Variants in DHX9 observed in about 807,000 individuals in gnomAD.
DHX9 encodes the protein DExH-box helicase 9, also known as ATP-dependent RNA helicase A.
Under a neutral mutation model 148.7 loss-of-function variants are expected in DHX9, and 27 were observed. That is an observed-to-expected ratio of 0.18 (90% CI 0.13 to 0.25). The LOEUF (loss-of-function observed/expected upper bound fraction) is 0.25. DHX9 is among the 10% of genes least tolerant of loss of function. DHX9 has a pLI of 1.00. For synonymous variants in DHX9, 529 were observed against 516.6 expected, an observed-to-expected ratio of 1.02 and a Z score of -0.33; for missense variants, 796 against 1,559.6, an observed-to-expected ratio of 0.51 and a Z score of 8.25.
intron 14 of DHX9, among the ~76,000 whole-genome samples, chr1:182,869,036 A>C (rs1171690502): frequency 1.3e-5 from 2 of 152,160 alleles, no homozygotes; most frequent in Non-Finnish European, 2.9e-5. Context: ...CAATGTTCTT[A>C]GGGTTTAAAT....
At chr1:182,872,521 A>G (rs1648591073) in intron 15 of DHX9, 28 bp downstream of exon 15, 1 of 1,601,598 alleles carries the variant, frequency 6.2e-7, no homozygotes, top group South Asian at 1.1e-5. Context: ...GTATAGGAAC[A>G]TCTTTTGTGC....
chr1:182,858,882 G>C lies in DHX9; in HGVS notation c.1050G>C (p.Gly350=), dbSNP rs1668303698. Residue 350 remains glycine, a synonymous_variant, in exon 10 of 28, where the codon GGG becomes GGC. Transcript: ENST00000367549. ...NPWTSSNIDE[G]PLAFATPEQI... is the part of the protein sequence containing the mutation. ...GGACTAGTAGCAACATTGATGAGGG[G>C]CCTCTGGCTTTTGTGAGTGCAATAT... 5.0e-6 allele frequency: 8 copies of C among 1,613,906 alleles called. No individual in the cohort carries two copies. Among genetic ancestry groups the C allele is most frequent in the Non-Finnish European group, 6.8e-6 (8 of 1,179,988 alleles).
intron 3 of DHX9, among the ~76,000 whole-genome samples, chr1:182,845,987 A>T (rs115959738): frequency 6.6e-6 from 1 of 152,048 alleles, no homozygotes; most frequent in Non-Finnish European, 1.5e-5. Context: ...TTCAGTATTG[A>T]TTAAATCGTT....
chr1:182,853,953 C>T, intron 5 of DHX9, 77 bp from the exon 6 acceptor site: 2 of 1,323,148 alleles, frequency 1.5e-6, no homozygotes, highest in East Asian at 2.3e-5. Context: ...AGTACAAAGA[C>T]AGTATTAAAA....
intron 14 of DHX9, among the ~76,000 whole-genome samples, chr1:182,868,205 G>C (rs1476853474): frequency 6.6e-6 from 1 of 152,080 alleles, no homozygotes; most frequent in East Asian, 1.9e-4. Flanking sequence ...AGAAAGTACT[G>C]ATTCATCCAT....
intron 6 of DHX9, among the ~76,000 whole-genome samples, chr1:182,854,716 CTT>C (rs1668223943): frequency 6.6e-6 from 1 of 152,086 alleles, no homozygotes; most frequent in African/African-American, 2.4e-5. Flanking sequence ...CAGCCTTGGT[CTT>C]TGTATGTGGG....
At chr1:182,869,394 G>C (rs972579539) in intron 14 of DHX9, among the ~76,000 whole-genome samples, 7 of 152,302 alleles carry the variant, frequency 4.6e-5, no homozygotes, top group Admixed American at 4.6e-4. Context: ...GTCCTATCTG[G>C]TTTGGGCCAG....
chr1:182,858,252 G>A lies in DHX9; in HGVS notation c.810+12G>A, dbSNP rs1668291145. ...AGGAAGGAGAGACAGTGAGTCTTTA[G>A]ATTTAATAGACTTGTGAGATAGTGT... On this transcript the variant is annotated intron_variant, in intron 8 of 27. Transcript: ENST00000367549. The A allele has an allele frequency of 1.2e-6, 2 of 1,610,816 alleles. No individual in the cohort carries two copies. Among genetic ancestry groups the A allele is most frequent in the Non-Finnish European group, 1.7e-6 (2 of 1,178,904 alleles).
Position 182,869,470 on chromosome 1 carries a change from C to A in DHX9, c.1557+2427C>A, listed in dbSNP as rs1364970826. 2.6e-5 allele frequency among the ~76,000 whole-genome samples: 4 copies of A among 151,890 alleles called. No homozygotes were observed. In the East Asian group the frequency reaches 7.7e-4, roughly 29 times the overall value. ...TCTTATCTGATGCTGACCAGTCTTA[C>A]CCGGTTTGCTGCGGTTTGGTCTGGT... is the stretch of plus-strand genomic sequence containing the variant. On this transcript the variant is annotated intron_variant, in intron 14 of 27. Transcript: ENST00000367549.
In DHX9 at chr1:182,872,417, T is replaced by C; in HGVS notation, c.1638T>C (p.Ile546=). The stretch of plus-strand genomic sequence containing the variant: ...GCATTGTTCTTATGTCTGCTACTAT[T>C]GATACCAGCATGTTTTGTGAATATT... ...EVRIVLMSAT[I]DTSMFCEYFF... Residue 546 remains isoleucine, a synonymous_variant, in exon 15 of 28, where the codon ATT becomes ATC. Transcript: ENST00000367549. 1 of 1,613,984 alleles carries C rather than the reference T, an allele frequency of 6.2e-7. No homozygotes were observed. Among genetic ancestry groups the C allele is most frequent in the South Asian group, 1.1e-5 (1 of 91,080 alleles).
intron 24 of DHX9, among the ~76,000 whole-genome samples, chr1:182,882,456 A>G (rs1290726504): frequency 6.6e-6 from 1 of 152,172 alleles, no homozygotes; most frequent in Non-Finnish European, 1.5e-5. Context: ...GTCCTCTTAG[A>G]TTATCTCCAT....
At position 182,884,632 on chromosome 1, in the gene DHX9, C is replaced by T. The variant is rs1649237259; in HGVS notation, c.3280C>T (p.His1094Tyr). ...VDDWIKLQIS[H>Y]EAAACITGLR... ...CTTTAGGATTAAACTGCAAATATCT[C>T]ATGAAGCTGCTGCCTGTATCACTGG... Residue 1094 changes from histidine to tyrosine, a missense_variant, in exon 27 of 28, where the codon CAT becomes TAT. His to Tyr is a moderately conservative substitution (Grantham distance 83). This residue lies in a region of DHX9 where 86 missense variants were observed against 156.3 expected (regional missense o/e 0.55). Coordinates refer to ENST00000367549, the MANE Select transcript of DHX9 (RefSeq NM_001357.5). 6.2e-7 allele frequency: 1 copy of T among 1,613,988 alleles called. No homozygotes were observed. Among genetic ancestry groups the T allele is most frequent in the South Asian group, 1.1e-5 (1 of 91,080 alleles).
At chr1:182,849,927 A>T in intron 3 of DHX9, among the ~76,000 whole-genome samples, 1 of 139,906 alleles carries the variant, frequency 7.1e-6, no homozygotes, top group South Asian at 2.3e-4. Flanking sequence ...CTTTATTTTT[A>T]CTTGTGTTTT....
chr1:182,854,934 T>C (rs1353605953), intron 6 of DHX9, among the ~76,000 whole-genome samples: 2 of 152,186 alleles, frequency 1.3e-5, no homozygotes, highest in Admixed American at 6.5e-5. Context: ...GGAAACCTTT[T>C]TGAATGATTC....
At chr1:182,867,082 G>T in intron 14 of DHX9, 39 bp downstream of exon 14, 1 of 1,277,226 alleles carries the variant, frequency 7.8e-7, no homozygotes, top group Non-Finnish European at 1.1e-6. Flanking sequence ...ACTTAATTCT[G>T]CTATTTCTAA....
At chr1:182,880,442 C>G (rs1649036182) in intron 21 of DHX9, 55 bp from the exon 22 acceptor site, 1 of 1,193,420 alleles carries the variant, frequency 8.4e-7, no homozygotes, top group Admixed American at 1.8e-5. Flanking sequence ...AATGTTTTGT[C>G]TGCCTAAAAT....
intron 21 of DHX9, 99 bp downstream of exon 21, chr1:182,879,509 G>A: frequency 8.7e-7 from 1 of 1,152,766 alleles, no homozygotes; most frequent in East Asian, 2.7e-5. Context: ...TGATGAAGAT[G>A]TAGTCAACAG....
Position 182,872,376 on chromosome 1 carries a change from G to A in DHX9, c.1597G>A (p.Ala533Thr). The A allele has an allele frequency of 6.2e-7, 1 of 1,613,772 alleles. No homozygotes were observed. Among genetic ancestry groups the A allele is most frequent in the Non-Finnish European group, 8.5e-7 (1 of 1,179,926 alleles). The change falls in exon 15 of 28, where the codon GCT becomes ACT. Residue 533 changes from alanine (A) to threonine (T), a missense_variant. Ala to Thr is a moderately conservative substitution (Grantham distance 58, BLOSUM62 0). This residue lies in a region of DHX9 where 133 missense variants were observed against 223.8 expected (regional missense o/e 0.59). Transcript: ENST00000367549. ...LLVVLRDVVQAYPEVRIVLMS... is the reference protein window; with the variant it reads ...LLVVLRDVVQTYPEVRIVLMS... ...GGTAGTACTGCGTGATGTTGTTCAGGCTTATCCTGAAGTTCGCATTGTTCT... is the reference window on the plus strand; with the variant it reads ...GGTAGTACTGCGTGATGTTGTTCAGACTTATCCTGAAGTTCGCATTGTTCT...
chr1:182,884,482 G>GTT (rs543788754), intron 26 of DHX9, 131 bp from the exon 27 acceptor site: 154 of 644,102 alleles, frequency 2.4e-4, no homozygotes, highest in African/African-American at 5.7e-4. Flanking sequence ...ATTATAAGTA[G>GTT]TTTTTTTTTT....
Sources: gnomAD v4.1 joint callset for allele counts (sites outside exome capture counted in the v4.1 genomes callset) on GRCh38, gnomAD v4.1.1 for gene constraint, gnomAD v4.1.1 regional missense constraint, MANE v1.5 for transcripts, NCBI Gene and HGNC (gene_info 2026-07-23, HGNC 2026-07-21) for gene names.